Variants in SFTA2 observed in about 807,000 individuals in gnomAD.
SFTA2 encodes the protein surfactant associated 2.
In SFTA2, 3 loss-of-function variants were observed where a neutral mutation model predicts 6.0. The ratio of observed to expected loss-of-function variants is 0.50; its 90% CI spans 0.23 to 1.28. SFTA2 has a LOEUF of 1.28. SFTA2 is among the 50% of genes most tolerant of loss of function. SFTA2 has a pLI of 0.19. For synonymous variants in SFTA2, 40 were observed against 39.3 expected (o/e 1.02, Z -0.07); for missense variants, 87 against 88.5 (o/e 0.98, Z 0.07).
chr6:30,931,924 G>A (rs1795159582), intron 1 of SFTA2, 112 bp downstream of exon 1: 1 of 1,540,488 alleles, frequency 6.5e-7, no homozygotes, highest in African/African-American at 1.4e-5. Flanking sequence ...GAGCCTCTTG[G>A]AAGCTCAGGA....
Position 30,931,538 on chromosome 6 carries a change from C to A in SFTA2, c.187G>T (p.Val63Phe). The A allele has an allele frequency of 6.2e-7, 1 of 1,609,460 alleles. No individual in the cohort carries two copies. Among genetic ancestry groups the A allele is most frequent in the East Asian group, 2.2e-5 (1 of 44,822 alleles). ...TGAGATCTTGCATGGTGGAGGGTGA[C>A]GCTGGTCCCTGAAGGGAGATGGAGG... The part of the protein sequence containing the change: ...LLLHLPSGTS[V>F]TLHHARSQHH... The change falls in exon 3 of 3, where the codon GTC (valine) becomes TTC (phenylalanine). Residue 63 changes from valine to phenylalanine, a missense_variant. By Grantham distance (50) the Val-to-Phe change is conservative (BLOSUM62 -1). Coordinates refer to ENST00000359086, the MANE Select transcript of SFTA2 (RefSeq NM_205854.3).
At chr6:30,931,866 T>C in intron 1 of SFTA2, 71 bp from the exon 2 acceptor site, 1 of 1,577,706 alleles carries the variant, frequency 6.3e-7, no homozygotes, top group Non-Finnish European at 8.7e-7. Flanking sequence ...AGAACCTTCC[T>C]GCTCACGCTC....
rs753901611 is a variant in SFTA2, at chr6:30,932,100, G to T, written c.-4C>A. The T allele has an allele frequency of 1.2e-6, 2 of 1,612,024 alleles. No homozygotes were observed. The highest frequency in any genetic ancestry group is 2.7e-5 in the African/African-American group (2 of 74,906). On this transcript the variant is annotated 5_prime_UTR_variant, in exon 1 of 3. Transcript: ENST00000359086. This position sits in a 1 kb window ranked among gnomAD's most constrained non-coding sequence, Gnocchi z 6.5. ...CAAGGGGCAGCCCAGACCCCATAGT[G>T]GCCACTGCGCTCCTGGGATGGAGGA...
In SFTA2 at chr6:30,931,745, A is replaced by T; in HGVS notation, c.112T>A (p.Ser38Thr). The T allele has an allele frequency of 6.2e-7, 1 of 1,613,088 alleles. No individual in the cohort carries two copies. Reference sequence around the variant, plus strand: ...TCCAGGAAGCTGGACTCATAGGAGGAATTTGTCAGAAAAGACTCCTTCAGC... The same window carrying T: ...TCCAGGAAGCTGGACTCATAGGAGGTATTTGTCAGAAAAGACTCCTTCAGC... The part of the protein sequence containing the change: ...LKLKESFLTN[S>T]SYESSFLELL... Residue 38 changes from serine (S) to threonine (T), a missense_variant, in exon 2 of 3, where the codon TCC becomes ACC. Ser to Thr is a moderately conservative substitution (Grantham distance 58). Coordinates refer to ENST00000359086, the MANE Select transcript of SFTA2 (RefSeq NM_205854.3).
In SFTA2 at chr6:30,931,475, G is replaced by C. The variant is rs1188676533; in HGVS notation, c.*13C>G. ...AAAGCCCGGGCCAAGAAGGACACAG[G>C]CTTCAATGGCTGTCATGTGTTGCAG... On this transcript the variant is annotated 3_prime_UTR_variant, in exon 3 of 3. Transcript: ENST00000359086. 4.5e-6 allele frequency: 7 copies of C among 1,556,272 alleles called. No individual in the cohort carries two copies. Among genetic ancestry groups the C allele is most frequent in the Non-Finnish European group, 6.1e-6 (7 of 1,148,900 alleles).
chr6:30,931,703 C>G lies in SFTA2; in HGVS notation c.150+4G>C. The G allele has an allele frequency of 6.2e-7, 1 of 1,613,146 alleles. No individual in the cohort carries two copies. Among genetic ancestry groups the G allele is most frequent in the Non-Finnish European group, 8.5e-7 (1 of 1,179,994 alleles). Reference sequence around the variant, plus strand: ...GCCCCATCTTTCCCCTTCCAAAGAACTACCTTTTCAAGCAATTCCAGGAAG... The same window carrying G: ...GCCCCATCTTTCCCCTTCCAAAGAAGTACCTTTTCAAGCAATTCCAGGAAG... On this transcript the variant is annotated splice_donor_region_variant and intron_variant, in intron 2 of 2. Coordinates refer to ENST00000359086, the MANE Select transcript of SFTA2 (RefSeq NM_205854.3).
In SFTA2 at chr6:30,931,576, TG is replaced by T; in HGVS notation, c.151-3del. Reference sequence around the variant, plus strand: ...AGGGAGATGGAGGAGGAGGCAGAGCTGGGAACAAAGGGTTAAAGGGCGCCAT... The same window carrying T: ...AGGGAGATGGAGGAGGAGGCAGAGCTGGAACAAAGGGTTAAAGGGCGCCAT... On this transcript the variant is annotated splice_region_variant and splice_polypyrimidine_tract_variant and intron_variant, in intron 2 of 2. Transcript: ENST00000359086. 6.2e-7 allele frequency: 1 copy of T among 1,609,360 alleles called. No individual in the cohort carries two copies. The highest frequency in any genetic ancestry group is 1.7e-5 in the Admixed American group (1 of 59,744).
rs1322758827 is a variant in SFTA2 at position 30,931,807 on chromosome 6, G to C, written c.62-12C>G. ...AGTCATACCCGGCCCTGCGGATCCA[G>C]AAGTACAGCTTAGGACCCAGCAGTC... On this transcript the variant is annotated splice_polypyrimidine_tract_variant and intron_variant, in intron 1 of 2. Transcript: ENST00000359086. 6.2e-7 allele frequency: 1 copy of C among 1,612,948 alleles called. No individual in the cohort carries two copies. Among genetic ancestry groups the C allele is most frequent in the Admixed American group, 1.7e-5 (1 of 60,026 alleles).
rs1795150199 is a variant in SFTA2, at chr6:30,931,738, T to C, written c.119A>G (p.Tyr40Cys). Residue 40 changes from tyrosine (Y) to cysteine (C), a missense_variant, in exon 2 of 3, where the codon TAT becomes TGT. Transcript: ENST00000359086. The part of the protein sequence containing the change: ...LKESFLTNSS[Y>C]ESSFLELLEK... ...AAGCAATTCCAGGAAGCTGGACTCA[T>C]AGGAGGAATTTGTCAGAAAAGACTC... The C allele has an allele frequency of 2.5e-6, 4 of 1,612,996 alleles. No individual in the cohort carries two copies. The highest frequency in any genetic ancestry group is 2.5e-6 in the Non-Finnish European group (3 of 1,180,032).
At chr6:30,931,900 G>T in intron 1 of SFTA2, 105 bp from the exon 2 acceptor site, 1 of 1,537,390 alleles carries the variant, frequency 6.5e-7, no homozygotes, top group Non-Finnish European at 8.9e-7. Context: ...CTCTTCCCCA[G>T]CAATGCCCCT....
Position 30,931,553 on chromosome 6 carries a change from G to A in SFTA2, c.172C>T (p.Pro58Ser), listed in dbSNP as rs781452586. 2 of 1,610,254 alleles carry A rather than the reference G, an allele frequency of 1.2e-6. No homozygotes were observed. The highest frequency in any genetic ancestry group is 3.3e-5 in the Admixed American group (2 of 59,746). ...TGGAGGGTGACGCTGGTCCCTGAAG[G>A]GAGATGGAGGAGGAGGCAGAGCTGG... ...LEKLCLLLHL[P>S]SGTSVTLHHA... Residue 58 changes from proline to serine, a missense_variant, in exon 3 of 3, where the codon CCT becomes TCT. Coordinates refer to ENST00000359086, the MANE Select transcript of SFTA2 (RefSeq NM_205854.3).
Position 30,931,530 on chromosome 6 carries a change from G to T in SFTA2, c.195C>A (p.Leu65=), listed in dbSNP as rs764844402. 6.2e-7 allele frequency: 1 copy of T among 1,609,056 alleles called. No individual in the cohort carries two copies. Among genetic ancestry groups the T allele is most frequent in the South Asian group, 1.1e-5 (1 of 90,456 alleles). Residue 65 remains leucine (L), a synonymous_variant, in exon 3 of 3, where the codon CTC becomes CTA. Coordinates refer to ENST00000359086, the MANE Select transcript of SFTA2 (RefSeq NM_205854.3). ...LHLPSGTSVT[L]HHARSQHHVV... is the part of the protein sequence containing the mutation. ...CATGGTGTTGAGATCTTGCATGGTGGAGGGTGACGCTGGTCCCTGAAGGGA... is the reference window on the plus strand; with the variant it reads ...CATGGTGTTGAGATCTTGCATGGTGTAGGGTGACGCTGGTCCCTGAAGGGA...
chr6:30,931,468 G>A lies in SFTA2; in HGVS notation c.*20C>T. 1.3e-6 allele frequency: 2 copies of A among 1,545,352 alleles called. No individual in the cohort carries two copies. Among genetic ancestry groups the A allele is most frequent in the Non-Finnish European group, 1.7e-6 (2 of 1,143,408 alleles). ...CGGCCCAAAAGCCCGGGCCAAGAAG[G>A]ACACAGGCTTCAATGGCTGTCATGT... On this transcript the variant is annotated 3_prime_UTR_variant, in exon 3 of 3. Transcript: ENST00000359086.
At chr6:30,931,990 C>T (rs1562472770) in intron 1 of SFTA2, 46 bp downstream of exon 1, 3 of 1,602,108 alleles carry the variant, frequency 1.9e-6, no homozygotes, top group Non-Finnish European at 2.6e-6. Flanking sequence ...TTTCTCTGGC[C>T]TCTTCTTGCC....
At position 30,931,509 on chromosome 6, in the gene SFTA2, G is replaced by T. The variant is rs1582221046; in HGVS notation, c.216C>A (p.His72Gln). ...SVTLHHARSQHHVVCNT is the reference protein window; with the variant it reads ...SVTLHHARSQQHVVCNT ...GCTGTCATGTGTTGCAGACAACATG[G>T]TGTTGAGATCTTGCATGGTGGAGGG... Residue 72 changes from histidine (H) to glutamine (Q), a missense_variant, in exon 3 of 3, where the codon CAC (histidine) becomes CAA (glutamine). Coordinates refer to ENST00000359086, the MANE Select transcript of SFTA2 (RefSeq NM_205854.3). The T allele has an allele frequency of 6.2e-7, 1 of 1,602,948 alleles. No homozygotes were observed. Among genetic ancestry groups the T allele is most frequent in the African/African-American group, 1.3e-5 (1 of 74,592 alleles).
chr6:30,931,623 C>T, intron 2 of SFTA2, 49 bp from the exon 3 acceptor site: 2 of 1,606,064 alleles, frequency 1.2e-6, no homozygotes, highest in Non-Finnish European at 1.7e-6. Context: ...TCTCCATTCC[C>T]ACCACGGAGA....
intron 2 of SFTA2, 34 bp from the exon 3 acceptor site, chr6:30,931,608 A>G: frequency 2.5e-6 from 4 of 1,607,272 alleles, no homozygotes; most frequent in Middle Eastern, 1.7e-4. Flanking sequence ...GCCATGTAAG[A>G]GAGCTCTCCA....
Position 30,932,041 on chromosome 6 carries a change from C to T in SFTA2, c.56G>A (p.Gly19Glu), listed in dbSNP as rs769731034. The change falls in exon 1 of 3, where the codon GGA (glycine) becomes GAA (glutamate). Residue 19 changes from glycine (G) to glutamate (E), a missense_variant. By Grantham distance (98) the Gly-to-Glu change is moderately conservative (BLOSUM62 -2). Transcript: ENST00000359086. The surrounding 1 kb of genome is among the most constrained non-coding windows in gnomAD (Gnocchi z 6.5). The part of the protein sequence containing the change: ...LLLTLLGSSH[G>E]TGPGMTLQLK... ...TCCTGCCCTCTAGCCCTCACCTGTT[C>T]CATGTGAGCTGCCAAGGAGGGTCAA... 1 of 1,612,106 alleles carries T rather than the reference C, an allele frequency of 6.2e-7. No individual in the cohort carries two copies.
rs774311710 is a variant in SFTA2, at chr6:30,931,494, G to T, written c.231C>A (p.Asn77Lys). The change falls in exon 3 of 3, where the codon AAC becomes AAA. Residue 77 changes from asparagine (N) to lysine (K), a missense_variant. By Grantham distance (94) the Asn-to-Lys change is moderately conservative (BLOSUM62 0). Transcript: ENST00000359086. ...ACACAGGCTTCAATGGCTGTCATGT[G>T]TTGCAGACAACATGGTGTTGAGATC... The part of the protein sequence containing the change: ...HARSQHHVVC[N>K]T 1 of 1,584,996 alleles carries T rather than the reference G, an allele frequency of 6.3e-7. No homozygotes were observed. Among genetic ancestry groups the T allele is most frequent in the Admixed American group, 1.8e-5 (1 of 56,734 alleles).
Sources: gnomAD v4.1 joint callset for allele counts on GRCh38, gnomAD v4.1.1 for gene constraint, Gnocchi (gnomAD v3.1) non-coding constraint, MANE v1.5 for transcripts, NCBI Gene and HGNC (gene_info 2026-07-23, HGNC 2026-07-21) for gene names.